MARCHF3: variants seen among roughly 807,000 people sequenced by gnomAD.
The protein encoded by MARCHF3 is E3 ubiquitin-protein ligase MARCHF3.
MARCHF3 carries 13 observed loss-of-function variants against 24.2 expected under a neutral mutation model. The observed-to-expected ratio is 0.54, with a 90% CI of 0.35 to 0.85. MARCHF3 has a LOEUF of 0.85. Ranked by LOEUF, MARCHF3 falls within the 40% of genes least tolerant of loss-of-function variation. MARCHF3 has a pLI of 0.01. For missense variants in MARCHF3, 276 were observed against 325.0 expected, an observed-to-expected ratio of 0.85 and a Z score of 1.16; for synonymous variants, 144 against 137.3, an observed-to-expected ratio of 1.05 and a Z score of -0.34.
intron 3 of MARCHF3, among the ~76,000 whole-genome samples, chr5:126,895,190 T>C (rs1753834339): frequency 6.6e-6 from 1 of 152,084 alleles, no homozygotes; most frequent in Non-Finnish European, 1.5e-5. Context: ...TCTGTATTGG[T>C]TATTCCTGTT....
intron 1 of MARCHF3, among the ~76,000 whole-genome samples, chr5:126,982,429 C>T (rs950833151): frequency 5.9e-5 from 9 of 152,164 alleles, no homozygotes; most frequent in East Asian, 1.9e-4. Flanking sequence ...CAGTGGGCCC[C>T]GGGATGACTG....
rs775138308 is a variant in MARCHF3, at chr5:126,878,256, T to C, written c.532A>G (p.Ser178Gly). The change falls in exon 4 of 5, where the codon AGT becomes GGT. Residue 178 changes from serine to glycine, a missense_variant. Coordinates refer to ENST00000308660, the MANE Select transcript of MARCHF3 (RefSeq NM_178450.5). Reference sequence around the variant, plus strand: ...ATCAGTCCGACGGCTTCCAGCCGACTACTAAAGTGCAGGTGGTCCACGGCG... The same window carrying C: ...ATCAGTCCGACGGCTTCCAGCCGACCACTAAAGTGCAGGTGGTCCACGGCG... ...RGAVDHLHFS[S>G]RLEAVGLIAL... 1 of 1,614,142 alleles carries C rather than the reference T, an allele frequency of 6.2e-7. No individual in the cohort carries two copies. The highest frequency in any genetic ancestry group is 8.5e-7 in the Non-Finnish European group (1 of 1,180,054).
At chr5:126,903,182 T>C (rs1358484863) in intron 3 of MARCHF3, among the ~76,000 whole-genome samples, 2 of 151,920 alleles carry the variant, frequency 1.3e-5, no homozygotes, top group Admixed American at 6.6e-5. Flanking sequence ...GAGAACTCTT[T>C]TAAAGGTGAG....
intron 3 of MARCHF3, among the ~76,000 whole-genome samples, chr5:126,900,148 A>G (rs1012570402): frequency 2.6e-5 from 4 of 151,700 alleles, no homozygotes; most frequent in Non-Finnish European, 5.9e-5. Context: ...TTTTTTTTCC[A>G]TCTTCCCCCT....
chr5:126,872,126 C>T (rs369302181), intron 4 of MARCHF3, among the ~76,000 whole-genome samples: 9 of 127,026 alleles, frequency 7.1e-5, no homozygotes, highest in African/African-American at 1.5e-4. Flanking sequence ...GTTGCCCAGG[C>T]GGAAGTGCAA....
intron 1 of MARCHF3, among the ~76,000 whole-genome samples, chr5:126,989,328 CTACTACTACTAATAA>C (rs1446064710): frequency 6.7e-6 from 1 of 149,294 alleles, no homozygotes; most frequent in Non-Finnish European, 1.5e-5. Context: ...ACTACTACTA[CTACTACTACTAATAA>C]TAATAATAAT....
Position 126,869,582 on chromosome 5 carries a change from C to CTTTTTTTTTTTTT in MARCHF3, c.*1038_*1050dup, listed in dbSNP as rs10653981. On this transcript the variant is annotated 3_prime_UTR_variant, in exon 5 of 5. Transcript: ENST00000308660. ...ATAAGTGCAGGGCTGCTAGGACAGGCTTTTTTTTTTTTTTTTTTTTTTGCC... is the reference window on the plus strand; with the variant it reads ...ATAAGTGCAGGGCTGCTAGGACAGGCTTTTTTTTTTTTTTTTTTTTTTTTTTTTTTTTTTTGCC... The CTTTTTTTTTTTTT allele has an allele frequency of 2.4e-4, 19 of 79,832 alleles. 3 individuals carry two copies. Among genetic ancestry groups the CTTTTTTTTTTTTT allele is most frequent in the South Asian group, 1.8e-3 (3 of 1,648 alleles). 4.9% of individuals were successfully genotyped at this position (79,832 alleles called of 1,614,324 possible). A position where few individuals can be genotyped will look rare whatever the true frequency, so the allele number is the denominator to read the frequency against.
At chr5:126,992,155 TTC>T (rs1174695542) in intron 1 of MARCHF3, among the ~76,000 whole-genome samples, 1 of 152,188 alleles carries the variant, frequency 6.6e-6, no homozygotes, top group Non-Finnish European at 1.5e-5. Flanking sequence ...TGCGCTCACA[TTC>T]TGTTAGCTTA....
chr5:126,933,589 C>T (rs1314776643), intron 1 of MARCHF3, among the ~76,000 whole-genome samples: 2 of 151,900 alleles, frequency 1.3e-5, no homozygotes, highest in East Asian at 1.9e-4. Flanking sequence ...GGACTACAGG[C>T]GCCCACCACC....
intron 1 of MARCHF3, among the ~76,000 whole-genome samples, chr5:126,920,946 G>T (rs909491320): frequency 7.9e-5 from 12 of 151,726 alleles, no homozygotes; most frequent in Non-Finnish European, 1.5e-4. Context: ...GTGGGTGCTG[G>T]GCACTGAGTT....
In MARCHF3 at chr5:126,878,244, C is replaced by T. The variant is rs1444500640; in HGVS notation, c.544G>A (p.Ala182Thr). ...DHLHFSSRLE[A>T]VGLIALTVAL... ...ACAGTGAGTGCAATCAGTCCGACGG[C>T]TTCCAGCCGACTACTAAAGTGCAGG... is the stretch of plus-strand genomic sequence containing the variant. The change falls in exon 4 of 5, where the codon GCC becomes ACC. Residue 182 changes from alanine (A) to threonine (T), a missense_variant. Physicochemically the swap from Ala to Thr is moderately conservative, Grantham distance 58. Coordinates refer to ENST00000308660, the MANE Select transcript of MARCHF3 (RefSeq NM_178450.5). The T allele has an allele frequency of 6.2e-7, 1 of 1,614,258 alleles. No individual in the cohort carries two copies. The highest frequency in any genetic ancestry group is 1.1e-5 in the South Asian group (1 of 91,086).
At chr5:127,026,322 G>A (rs1160120402) in intron 1 of MARCHF3, among the ~76,000 whole-genome samples, 2 of 152,186 alleles carry the variant, frequency 1.3e-5, no homozygotes, top group African/African-American at 2.4e-5. Context: ...TATTTTGCCA[G>A]AGTGAAAACA....
At chr5:126,888,454 C>T (rs1753568970) in intron 3 of MARCHF3, among the ~76,000 whole-genome samples, 1 of 152,188 alleles carries the variant, frequency 6.6e-6, no homozygotes, top group South Asian at 2.1e-4. Context: ...ATCAGTGGCA[C>T]AACAGGATTA....
chr5:126,889,369 T>C lies in MARCHF3; in HGVS notation c.394-10975A>G, dbSNP rs576378716. On this transcript the variant is annotated intron_variant, in intron 3 of 4. Transcript: ENST00000308660. The stretch of plus-strand genomic sequence containing the variant: ...AATTCCTATTTTGATAATAGGGATG[T>C]TTGAAGGAATAGAGAGGAAAAAATA... Among the ~76,000 whole-genome samples, 68 of 152,064 alleles carry C rather than the reference T, an allele frequency of 4.5e-4. No homozygotes were observed. The South Asian group carries it at 0.014, about 30-fold the overall frequency.
At chr5:126,898,656 G>T (rs1470056714) in intron 3 of MARCHF3, among the ~76,000 whole-genome samples, 2 of 151,988 alleles carry the variant, frequency 1.3e-5, no homozygotes, top group Non-Finnish European at 2.9e-5. Context: ...CCCAATTTCT[G>T]CTTTACTGAC....
In MARCHF3 at chr5:126,899,426, T is replaced by A. The variant is rs186437045; in HGVS notation, c.393+15504A>T. On this transcript the variant is annotated intron_variant, in intron 3 of 4. Transcript: ENST00000308660. Reference sequence around the variant, plus strand: ...TGTCTCACAAGTGTGTACAGCCACATGAGGACTGATTAACCTTCACAACCA... The same window carrying A: ...TGTCTCACAAGTGTGTACAGCCACAAGAGGACTGATTAACCTTCACAACCA... Among the ~76,000 whole-genome samples the A allele has an allele frequency of 1.0e-3, 156 of 152,296 alleles. 3 individuals are homozygous for A. The highest frequency in any genetic ancestry group is 3.5e-3 in the African/African-American group (147 of 41,554).
At chr5:126,971,448 CAAAAA>C (rs60881844) in intron 1 of MARCHF3, among the ~76,000 whole-genome samples, 2 of 89,764 alleles carry the variant, frequency 2.2e-5, no homozygotes, top group Admixed American at 1.3e-4. Context: ...GACTCTGTCT[CAAAAA>C]AAAAAAAAAA....
intron 3 of MARCHF3, among the ~76,000 whole-genome samples, chr5:126,889,964 CAGTAGCATCCTCACATCTAGATT>C (rs1291316157): frequency 4.9e-4 from 75 of 152,328 alleles, no homozygotes; most frequent in Middle Eastern, 3.4e-3. Flanking sequence ...ACATGTCCCT[CAGTAGCATCCTCACATCTAGATT>C]AGTAGCATCC....
At chr5:126,916,032 A>G (rs1017823905) in intron 2 of MARCHF3, among the ~76,000 whole-genome samples, 1 of 152,248 alleles carries the variant, frequency 6.6e-6, no homozygotes, top group Non-Finnish European at 1.5e-5. Flanking sequence ...CCAGATTAGA[A>G]GCTTAGAATA....
Sources: allele counts gnomAD v4.1 joint callset (sites outside exome capture counted in the v4.1 genomes callset), GRCh38; gene constraint gnomAD v4.1.1; transcripts MANE v1.5; gene names NCBI Gene and HGNC (gene_info 2026-07-23, HGNC 2026-07-21).